The following CRACD variants were observed in gnomAD, a reference collection of about 807,000 sequenced individuals.
CRACD encodes the protein capping protein-inhibiting regulator of actin dynamics.
In CRACD, 56 loss-of-function variants were observed where a neutral mutation model predicts 106.8. The ratio of observed to expected loss-of-function variants is 0.52; its 90% CI spans 0.42 to 0.66. The LOEUF (loss-of-function observed/expected upper bound fraction) is 0.66. Among genes scored for constraint, CRACD ranks in the 30% least tolerant of loss-of-function variants. The pLI is 0.00. For synonymous variants in CRACD, 754 were observed against 670.8 expected (o/e 1.12, Z -1.92); for missense variants, 1,730 against 1,623.2 (o/e 1.07, Z -1.13).
At chr4:56,221,280 C>T (rs984759609) in intron 2 of CRACD, among the ~76,000 whole-genome samples, 7 of 151,838 alleles carry the variant, frequency 4.6e-5, no homozygotes, top group African/African-American at 1.5e-4. Flanking sequence ...AAATACTTCA[C>T]GGAAGAAAAG....
intron 1 of CRACD, among the ~76,000 whole-genome samples, chr4:56,154,452 G>A (rs58276059): frequency 0.012 from 1,881 of 152,194 alleles, 34 homozygotes; most frequent in African/African-American, 0.043. Context: ...GGCAACAGGA[G>A]TGAAATCCTG....
chr4:56,253,583 C>T (rs542442961), intron 2 of CRACD, among the ~76,000 whole-genome samples: 2 of 152,288 alleles, frequency 1.3e-5, no homozygotes, highest in East Asian at 1.9e-4. Flanking sequence ...AAAATGTCAT[C>T]GTTTGAGCCA....
At chr4:56,257,809 C>T (rs531629210) in intron 2 of CRACD, among the ~76,000 whole-genome samples, 167 of 152,244 alleles carry the variant, frequency 1.1e-3, no homozygotes, top group African/African-American at 3.7e-3. Context: ...TGGTGGCTCA[C>T]GCCTGTAATC....
chr4:56,168,507 T>C (rs1736237950), intron 1 of CRACD, among the ~76,000 whole-genome samples: 1 of 151,920 alleles, frequency 6.6e-6, no homozygotes. Flanking sequence ...TTTCTTACCA[T>C]GTATTTGTTT....
At chr4:56,183,754 G>T (rs1736960369) in intron 2 of CRACD, among the ~76,000 whole-genome samples, 1 of 152,306 alleles carries the variant, frequency 6.6e-6, no homozygotes, top group East Asian at 1.9e-4. Context: ...GGTTGGTGAG[G>T]GCTTCAGGGG....
At chr4:56,054,429 C>A (rs942001333) in intron 1 of CRACD, among the ~76,000 whole-genome samples, 1 of 152,182 alleles carries the variant, frequency 6.6e-6, no homozygotes, top group Non-Finnish European at 1.5e-5. Flanking sequence ...ACCTGCCTTG[C>A]CTCAGCCTCC....
intron 2 of CRACD, among the ~76,000 whole-genome samples, chr4:56,187,296 T>G (rs1398680574): frequency 6.6e-6 from 1 of 152,042 alleles, no homozygotes; most frequent in Non-Finnish European, 1.5e-5. Context: ...ACAGGGAGCC[T>G]GCGGGCCTCC....
intron 4 of CRACD, among the ~76,000 whole-genome samples, chr4:56,300,492 A>G (rs774579537): frequency 6.6e-6 from 1 of 152,232 alleles, no homozygotes; most frequent in African/African-American, 2.4e-5. Flanking sequence ...TATAGGTTGA[A>G]GAAGAGGGAA....
chr4:56,075,114 T>G (rs13109242), intron 1 of CRACD, among the ~76,000 whole-genome samples: 5 of 151,976 alleles, frequency 3.3e-5, no homozygotes, highest in Non-Finnish European at 7.4e-5. Flanking sequence ...ATTTTCGCAT[T>G]GATGTTCATC....
At chr4:56,257,891 GA>G (rs1741463891) in intron 2 of CRACD, among the ~76,000 whole-genome samples, 1 of 151,996 alleles carries the variant, frequency 6.6e-6, no homozygotes, top group Admixed American at 6.6e-5. Context: ...CCAACATGGT[GA>G]AACCCCGTCT....
intron 1 of CRACD, among the ~76,000 whole-genome samples, chr4:56,138,476 T>TA (rs1216644777): frequency 6.6e-6 from 1 of 151,270 alleles, no homozygotes; most frequent in Admixed American, 6.6e-5. Flanking sequence ...AAAAGAAAAA[T>TA]AAAATAAAAT....
chr4:56,182,548 G>A (rs1167679865), intron 2 of CRACD, among the ~76,000 whole-genome samples: 2 of 152,070 alleles, frequency 1.3e-5, no homozygotes, highest in African/African-American at 4.8e-5. Context: ...TGCTGCTTAT[G>A]TGCTACTAGG....
At chr4:56,184,081 T>C (rs1736978574) in intron 2 of CRACD, among the ~76,000 whole-genome samples, 1 of 152,178 alleles carries the variant, frequency 6.6e-6, no homozygotes, top group Admixed American at 6.5e-5. Flanking sequence ...CTTTCTTTTT[T>C]TTCCCCCAAG....
chr4:56,313,116 G>A lies in CRACD; in HGVS notation c.355-81G>A. On this transcript the variant is annotated intron_variant, in intron 6 of 10. Coordinates refer to ENST00000682029, the MANE Select transcript of CRACD (RefSeq NM_001393381.1). The stretch of plus-strand genomic sequence containing the variant: ...GGCCAGGCTGGGCGAGGCGCACACT[G>A]GAACGAGTGCCACCGTTCTGCGATT... 2 of 1,287,992 alleles carry A rather than the reference G, an allele frequency of 1.6e-6. 1 individual carries two copies. The highest frequency in any genetic ancestry group is 2.6e-5 in the South Asian group (2 of 75,480). 79.8% of individuals were successfully genotyped at this position (1,287,992 alleles called of 1,614,324 possible). A position where few individuals can be genotyped will look rare whatever the true frequency, so the allele number is the denominator to read the frequency against.
chr4:56,208,896 T>C (rs966016099), intron 2 of CRACD, among the ~76,000 whole-genome samples: 2 of 152,140 alleles, frequency 1.3e-5, no homozygotes, highest in African/African-American at 2.4e-5. Context: ...AGCAAAAACA[T>C]TACTCTCTGA....
chr4:56,079,098 G>T (rs181902933), intron 1 of CRACD, among the ~76,000 whole-genome samples: 4 of 152,310 alleles, frequency 2.6e-5, no homozygotes, highest in African/African-American at 9.6e-5. Flanking sequence ...GTGGTGGAAG[G>T]TGCCTTTTAT....
intron 1 of CRACD, among the ~76,000 whole-genome samples, chr4:56,095,519 C>T (rs978525846): frequency 2.6e-5 from 4 of 152,090 alleles, no homozygotes; most frequent in African/African-American, 7.2e-5. Context: ...TGGTAGCACG[C>T]GGCTATCAGC....
intron 1 of CRACD, among the ~76,000 whole-genome samples, chr4:56,068,383 G>A (rs983287474): frequency 5.3e-5 from 8 of 152,196 alleles, no homozygotes; most frequent in Non-Finnish European, 1.0e-4. Flanking sequence ...GAGGTCTGAG[G>A]AAACCAGGAT....
At chr4:56,214,652 A>ACTCTCTCTCT (rs572003455) in intron 2 of CRACD, among the ~76,000 whole-genome samples, 42 of 101,868 alleles carry the variant, frequency 4.1e-4, no homozygotes, top group African/African-American at 9.9e-4. Flanking sequence ...AGAGCTAGAC[A>ACTCTCTCTCT]CTCTCTCTCT....
Sources: allele counts gnomAD v4.1 joint callset (sites outside exome capture counted in the v4.1 genomes callset), GRCh38; gene constraint gnomAD v4.1.1; transcripts MANE v1.5; gene names NCBI Gene and HGNC (gene_info 2026-07-23, HGNC 2026-07-21).